The following PRKCE variants were observed in gnomAD, a reference collection of about 807,000 sequenced individuals.
The protein encoded by PRKCE is protein kinase C epsilon type.
PRKCE carries 16 observed loss-of-function variants against 85.4 expected under a neutral mutation model. The observed-to-expected ratio is 0.19, with a 90% confidence interval of 0.13 to 0.28. The LOEUF is 0.28. Ranked by LOEUF, PRKCE falls within the 10% of genes least tolerant of loss-of-function variation. The pLI is 1.00. For missense variants in PRKCE, 573 were observed against 975.2 expected (o/e 0.59, Z 5.49); for synonymous variants, 388 against 371.5 (o/e 1.04, Z -0.51).
chr2:45,670,747 G>C (rs1256316403), intron 1 of PRKCE, among the ~76,000 whole-genome samples: 2 of 152,228 alleles, frequency 1.3e-5, no homozygotes, highest in African/African-American at 4.8e-5. Flanking sequence ...GGGAAAGACT[G>C]ACGAAGGATT....
At chr2:45,805,690 G>T (rs1046290504) in intron 1 of PRKCE, among the ~76,000 whole-genome samples, 1 of 150,706 alleles carries the variant, frequency 6.6e-6, no homozygotes, top group East Asian at 2.0e-4. Context: ...TCCGCCTCCC[G>T]GGTTAAAGTG....
chr2:45,778,675 G>A (rs1685948924), intron 1 of PRKCE, among the ~76,000 whole-genome samples: 1 of 152,122 alleles, frequency 6.6e-6, no homozygotes, highest in African/African-American at 2.4e-5. Flanking sequence ...CTATCATGGG[G>A]AAATTAATAT....
intron 10 of PRKCE, chr2:46,011,012 A>G (rs917882840): frequency 3.2e-6 from 4 of 1,247,742 alleles, no homozygotes; most frequent in Non-Finnish European, 4.1e-6. Context: ...TTTTTAATTT[A>G]CCGCATAGGT....
At chr2:45,744,489 T>G (rs11681418) in intron 1 of PRKCE, among the ~76,000 whole-genome samples, 2 of 47,154 alleles carry the variant, frequency 4.2e-5, no homozygotes, top group Admixed American at 1.9e-4. Context: ...TTCTTTCTTT[T>G]TCTTTCTTTC....
At chr2:46,129,748 A>G (rs1674235467) in intron 11 of PRKCE, among the ~76,000 whole-genome samples, 1 of 152,246 alleles carries the variant, frequency 6.6e-6, no homozygotes. Flanking sequence ...TTGCCCCAGC[A>G]AACTACAGGG....
intron 1 of PRKCE, chr2:45,686,424 A>G (rs1469187302): frequency 6.6e-6 from 1 of 152,198 alleles, no homozygotes. Flanking sequence ...ACTTGGACAA[A>G]AGAGAAAAAG....
chr2:45,841,918 G>C (rs1188012377), intron 1 of PRKCE, among the ~76,000 whole-genome samples: 1 of 152,216 alleles, frequency 6.6e-6, no homozygotes, highest in Non-Finnish European at 1.5e-5. Context: ...AAAGGAGGGG[G>C]ATAGTGGTTC....
At chr2:45,969,910 G>C (rs1345076767) in intron 2 of PRKCE, among the ~76,000 whole-genome samples, 2 of 152,132 alleles carry the variant, frequency 1.3e-5, no homozygotes, top group African/African-American at 4.8e-5. Context: ...CCCTCTTAAA[G>C]TTGCTGTCGT....
At chr2:45,721,503 G>C (rs143223686) in intron 1 of PRKCE, among the ~76,000 whole-genome samples, 41 of 152,276 alleles carry the variant, frequency 2.7e-4, no homozygotes, top group African/African-American at 9.6e-4. Context: ...AGACATGGGG[G>C]TGGTACCAGA....
chr2:45,917,037 T>G (rs1057161598), intron 2 of PRKCE, among the ~76,000 whole-genome samples: 37 of 152,208 alleles, frequency 2.4e-4, no homozygotes, highest in Non-Finnish European at 4.7e-4. Context: ...TTCCACAGTG[T>G]GGAAGGGGAC....
chr2:46,043,336 T>TCG (rs1183316408), intron 10 of PRKCE, among the ~76,000 whole-genome samples: 8 of 152,318 alleles, frequency 5.3e-5, no homozygotes, highest in Non-Finnish European at 8.8e-5. Context: ...CTTCTTACAG[T>TCG]CATGCTTATA....
chr2:45,818,076 T>A (rs1447942619), intron 1 of PRKCE, among the ~76,000 whole-genome samples: 6 of 152,220 alleles, frequency 3.9e-5, no homozygotes, highest in Non-Finnish European at 8.8e-5. Context: ...ATTCTGTGAC[T>A]TTTTCTCCTT....
At chr2:45,656,840 G>A (rs1319008154) in intron 1 of PRKCE, among the ~76,000 whole-genome samples, 1 of 152,140 alleles carries the variant, frequency 6.6e-6, no homozygotes, top group East Asian at 1.9e-4. Context: ...GATAATTAAT[G>A]GATCAAGCAT....
intron 1 of PRKCE, among the ~76,000 whole-genome samples, chr2:45,821,522 A>G (rs773425988): frequency 2.6e-5 from 4 of 152,152 alleles, no homozygotes; most frequent in African/African-American, 4.8e-5. Flanking sequence ...TCAATGCCCA[A>G]GGGGTGTCTC....
intron 1 of PRKCE, among the ~76,000 whole-genome samples, chr2:45,724,103 ATGT>A (rs1436077773): frequency 1.3e-5 from 2 of 152,062 alleles, no homozygotes; most frequent in African/African-American, 4.8e-5. Context: ...CACTTCGCAG[ATGT>A]TGTGCTTTTT....
intron 5 of PRKCE, among the ~76,000 whole-genome samples, chr2:45,980,783 G>A (rs1702827717): frequency 6.6e-6 from 1 of 152,122 alleles, no homozygotes; most frequent in Non-Finnish European, 1.5e-5. Flanking sequence ...GAGTGGTGTG[G>A]AATGAGCAAG....
intron 14 of PRKCE, among the ~76,000 whole-genome samples, chr2:46,168,134 C>A (rs1180761056): frequency 6.6e-6 from 1 of 152,174 alleles, no homozygotes; most frequent in Non-Finnish European, 1.5e-5. Flanking sequence ...CCTACCCCCA[C>A]TCCAGGGAAG....
chr2:46,173,924 A>AT (rs138043048), intron 14 of PRKCE, among the ~76,000 whole-genome samples: 79 of 151,986 alleles, frequency 5.2e-4, no homozygotes, highest in Non-Finnish European at 7.7e-4. Context: ...TTGTAAACAA[A>AT]TTTTTTTTTA....
At chr2:45,975,049 A>G (rs1702353583) in intron 2 of PRKCE, among the ~76,000 whole-genome samples, 1 of 152,258 alleles carries the variant, frequency 6.6e-6, no homozygotes, top group Admixed American at 6.5e-5. Flanking sequence ...GGGTGGAGGA[A>G]CAATGGCCTC....
Sources: allele counts gnomAD v4.1 joint callset (sites outside exome capture counted in the v4.1 genomes callset), GRCh38; gene constraint gnomAD v4.1.1; transcripts MANE v1.5; gene names NCBI Gene and HGNC (gene_info 2026-07-23, HGNC 2026-07-21).